The following MTA3 variants were observed in gnomAD, a reference collection of about 807,000 sequenced individuals.
MTA3 encodes metastasis associated 1 family member 3, also known as metastasis-associated protein MTA3.
In MTA3, 34 loss-of-function variants were observed where a neutral mutation model predicts 83.5. The ratio of observed to expected loss-of-function variants is 0.41; its 90% CI spans 0.31 to 0.54. The LOEUF is 0.54. Among genes scored for constraint, MTA3 ranks in the 20% least tolerant of loss-of-function variants. MTA3 has a pLI of 0.33. For missense variants in MTA3, 761 were observed against 726.4 expected, an observed-to-expected ratio of 1.05 and a Z score of -0.55; for synonymous variants, 303 against 252.7, an observed-to-expected ratio of 1.20 and a Z score of -1.89.
chr2:42,501,270 A>G (rs1406754629), intron 2 of MTA3, among the ~76,000 whole-genome samples: 1 of 152,204 alleles, frequency 6.6e-6, no homozygotes, highest in Non-Finnish European at 1.5e-5. Flanking sequence ...TGCATTACAT[A>G]GATTCCTCTG....
chr2:42,718,280 T>C (rs1368939329), intron 14 of MTA3, among the ~76,000 whole-genome samples: 1 of 151,902 alleles, frequency 6.6e-6, no homozygotes, highest in African/African-American at 2.4e-5. Flanking sequence ...GGAGTTTCGC[T>C]CTTGTTGCCC....
chr2:42,656,019 A>G (rs1689141649), intron 6 of MTA3, among the ~76,000 whole-genome samples, 181 bp from the exon 7 acceptor site: 1 of 152,258 alleles, frequency 6.6e-6, no homozygotes, highest in Non-Finnish European at 1.5e-5. Flanking sequence ...GTTTGGTGTC[A>G]TTATCATCAG....
In MTA3 at chr2:42,568,649, A is replaced by ACGGCGG. The variant is rs1174725985; in HGVS notation, c.-89_-84dup. ...TCCCCCCCGTGGCGAGGCAGCAGCGACGGCGGCGGCGGCAGCGGCGGTCGC... is the reference window on the plus strand; with the variant it reads ...TCCCCCCCGTGGCGAGGCAGCAGCGACGGCGGCGGCGGCGGCGGCAGCGGCGGTCGC... On this transcript the variant is annotated 5_prime_UTR_variant, in exon 1 of 17. Transcript: ENST00000405094. 6 of 630,936 alleles carry ACGGCGG rather than the reference A, an allele frequency of 9.5e-6. No individual in the cohort carries two copies. Among genetic ancestry groups the ACGGCGG allele is most frequent in the East Asian group, 1.8e-4 (2 of 10,978 alleles). 39.1% of individuals were successfully genotyped at this position (630,936 alleles called of 1,614,324 possible). A position where few individuals can be genotyped will look rare whatever the true frequency, so the allele number is the denominator to read the frequency against.
At chr2:42,568,950 T>TC (rs1448171161) in intron 1 of MTA3, among the ~76,000 whole-genome samples, 177 bp downstream of exon 1, 2 of 117,522 alleles carry the variant, frequency 1.7e-5, no homozygotes, top group South Asian at 3.0e-4. Context: ...TCCCTTCCCC[T>TC]CCCCCCACGC....
chr2:42,708,849 T>G (rs1268539508), intron 13 of MTA3, 25 bp from the exon 14 acceptor site: 1 of 1,612,380 alleles, frequency 6.2e-7, no homozygotes, highest in South Asian at 1.1e-5. Context: ...CTTCCTTGAG[T>G]GTTTGTTGTT....
At chr2:42,676,443 G>A (rs541564100) in intron 8 of MTA3, among the ~76,000 whole-genome samples, 19 of 152,258 alleles carry the variant, frequency 1.2e-4, no homozygotes, top group Non-Finnish European at 2.1e-4. Context: ...TTAATTCTGT[G>A]ACTGGTTTCA....
At chr2:42,548,326 C>T (rs1262714851) in intron 2 of MTA3, among the ~76,000 whole-genome samples, 1 of 152,036 alleles carries the variant, frequency 6.6e-6, no homozygotes, top group Admixed American at 6.6e-5. Flanking sequence ...ATTAGCGGAG[C>T]TTGGTGGTAC....
intron 2 of MTA3, among the ~76,000 whole-genome samples, chr2:42,498,650 G>A (rs1370165867): frequency 1.3e-5 from 2 of 152,138 alleles, no homozygotes; most frequent in Admixed American, 1.3e-4. Flanking sequence ...GGCTCTTTAT[G>A]TCAACAGGTG....
At chr2:42,518,256 C>A (rs1287425055) in intron 2 of MTA3, among the ~76,000 whole-genome samples, 3 of 152,084 alleles carry the variant, frequency 2.0e-5, no homozygotes, top group Non-Finnish European at 4.4e-5. Flanking sequence ...TAATACAATT[C>A]TCCAATAAAA....
chr2:42,618,135 A>G (rs1685128395), intron 4 of MTA3, among the ~76,000 whole-genome samples: 1 of 152,008 alleles, frequency 6.6e-6, no homozygotes, highest in South Asian at 2.1e-4. Context: ...TTTGTTGGAG[A>G]GAAGGTCTCA....
chr2:42,598,271 T>C (rs1682092814), intron 3 of MTA3, among the ~76,000 whole-genome samples: 1 of 151,612 alleles, frequency 6.6e-6, no homozygotes, highest in South Asian at 2.1e-4. Context: ...TTCACTGTGT[T>C]AGTCAGGATG....
At chr2:42,725,757 C>T (rs1018482505) in intron 16 of MTA3, among the ~76,000 whole-genome samples, 5 of 152,322 alleles carry the variant, frequency 3.3e-5, no homozygotes, top group African/African-American at 7.2e-5. Context: ...CAGGACCGAG[C>T]AGTTCCTACC....
chr2:42,750,281 G>A (rs565101452), intron 16 of MTA3, among the ~76,000 whole-genome samples: 3 of 152,100 alleles, frequency 2.0e-5, no homozygotes, highest in Non-Finnish European at 2.9e-5. Flanking sequence ...GAGCCACCAC[G>A]CCTGGCCATG....
chr2:42,567,534 C>T (rs1161950781), upstream of MTA3, among the ~76,000 whole-genome samples: 4 of 152,122 alleles, frequency 2.6e-5, no homozygotes, highest in Admixed American at 6.6e-5. Context: ...ACCAAGAAAT[C>T]TTCTTCGTGT....
intron 2 of MTA3, among the ~76,000 whole-genome samples, chr2:42,497,047 A>T (rs750209660): frequency 8.6e-5 from 13 of 152,034 alleles, no homozygotes; most frequent in Non-Finnish European, 1.8e-4. Flanking sequence ...TCTACTAAAA[A>T]TTCAAAAAAT....
intron 2 of MTA3, among the ~76,000 whole-genome samples, chr2:42,496,697 C>T (rs1463766130): frequency 1.3e-5 from 2 of 152,006 alleles, no homozygotes; most frequent in East Asian, 1.9e-4. Context: ...GTAACTAGCC[C>T]GAGCATTCCC....
intron 3 of MTA3, among the ~76,000 whole-genome samples, chr2:42,595,531 C>T (rs1380714088): frequency 6.6e-6 from 1 of 151,976 alleles, no homozygotes; most frequent in Non-Finnish European, 1.5e-5. Context: ...TAAAAGAAAC[C>T]TTTAGTTACT....
intron 9 of MTA3, among the ~76,000 whole-genome samples, chr2:42,682,883 CA>C (rs1692050738): frequency 6.6e-6 from 1 of 152,088 alleles, no homozygotes. Flanking sequence ...CCAGCCTGGC[CA>C]ATGTGGTGAA....
chr2:42,749,882 T>C (rs1377887229), intron 16 of MTA3, among the ~76,000 whole-genome samples: 1 of 152,178 alleles, frequency 6.6e-6, no homozygotes, highest in African/African-American at 2.4e-5. Flanking sequence ...TCTATGTGCT[T>C]CCCCTCCTGT....
Sources: gnomAD v4.1 joint callset for allele counts (sites outside exome capture counted in the v4.1 genomes callset) on GRCh38, gnomAD v4.1.1 for gene constraint, MANE v1.5 for transcripts, NCBI Gene and HGNC (gene_info 2026-07-23, HGNC 2026-07-21) for gene names.